The following GAREM1 variants were observed in gnomAD, a reference collection of about 807,000 sequenced individuals.
GAREM1 encodes GRB2-associated and regulator of MAPK protein 1.
GAREM1 carries 26 observed loss-of-function variants against 71.3 expected under a neutral mutation model. The observed-to-expected ratio is 0.36, with a 90% confidence interval of 0.27 to 0.51. GAREM1 has a LOEUF of 0.51. Among genes scored for constraint, GAREM1 ranks in the 20% least tolerant of loss-of-function variants. The pLI is 0.95. For synonymous variants in GAREM1, 440 were observed against 433.2 expected, an observed-to-expected ratio of 1.02 and a Z score of -0.20; for missense variants, 1,026 against 1,103.1, an observed-to-expected ratio of 0.93 and a Z score of 0.99.
chr18:32,451,951 C>T (rs2048844465), intron 1 of GAREM1, among the ~76,000 whole-genome samples: 1 of 152,124 alleles, frequency 6.6e-6, no homozygotes, highest in Non-Finnish European at 1.5e-5. Context: ...TAGTAAAATA[C>T]TGAAATCGGT....
chr18:32,310,503 A>G (rs993471770), intron 2 of GAREM1, among the ~76,000 whole-genome samples, 180 bp from the exon 3 acceptor site: 9 of 152,226 alleles, frequency 5.9e-5, no homozygotes, highest in Non-Finnish European at 1.3e-4. Flanking sequence ...GATAGATTTT[A>G]AAATCAGCTT....
chr18:32,379,058 A>C (rs1438014558), intron 2 of GAREM1, among the ~76,000 whole-genome samples: 2 of 152,058 alleles, frequency 1.3e-5, no homozygotes. Context: ...TTGAATCTCA[A>C]CTTCACCACC....
chr18:32,411,113 T>C (rs112913449), intron 1 of GAREM1, among the ~76,000 whole-genome samples: 1 of 152,330 alleles, frequency 6.6e-6, no homozygotes, highest in African/African-American at 2.4e-5. Flanking sequence ...ACTTCGGTTT[T>C]ATTTTCTTCT....
intron 2 of GAREM1, among the ~76,000 whole-genome samples, chr18:32,329,668 T>C (rs1487731271): frequency 1.5e-5 from 2 of 136,258 alleles, no homozygotes; most frequent in Admixed American, 7.9e-5. Flanking sequence ...ATTGCGCCAC[T>C]GCACTCCAGC....
chr18:32,455,618 A>C (rs995688958), intron 1 of GAREM1, among the ~76,000 whole-genome samples: 4 of 152,132 alleles, frequency 2.6e-5, no homozygotes, highest in Admixed American at 1.3e-4. Context: ...TCTAGAAGGC[A>C]TTTAACAAGC....
At chr18:32,451,775 T>C (rs2048842924) in intron 1 of GAREM1, among the ~76,000 whole-genome samples, 1 of 152,142 alleles carries the variant, frequency 6.6e-6, no homozygotes, top group South Asian at 2.1e-4. Context: ...TTTACAGCCC[T>C]TCAGCACTTC....
intron 1 of GAREM1, among the ~76,000 whole-genome samples, chr18:32,427,573 C>T (rs1200929332): frequency 6.6e-6 from 1 of 152,180 alleles, no homozygotes; most frequent in Non-Finnish European, 1.5e-5. Flanking sequence ...CTGATGGCAG[C>T]AACATGCTTA....
At chr18:32,393,180 G>GTT (rs10708225) in intron 1 of GAREM1, 145 bp from the exon 2 acceptor site, 824 of 450,040 alleles carry the variant, frequency 1.8e-3, no homozygotes, top group South Asian at 2.9e-3. Context: ...CCTCTGAATT[G>GTT]TTTTTTTTTT....
chr18:32,271,989 A>T (rs907222588), intron 4 of GAREM1, among the ~76,000 whole-genome samples: 1 of 152,206 alleles, frequency 6.6e-6, no homozygotes, highest in African/African-American at 2.4e-5. Flanking sequence ...CTATGCTTTG[A>T]AATGCATACC....
intron 2 of GAREM1, among the ~76,000 whole-genome samples, chr18:32,378,863 C>T (rs748311815): frequency 1.2e-4 from 19 of 152,196 alleles, no homozygotes; most frequent in Non-Finnish European, 2.1e-4. Flanking sequence ...TTGCTAGTCA[C>T]GAAAGGCCAT....
chr18:32,278,189 G>GA (rs977525498), intron 4 of GAREM1, among the ~76,000 whole-genome samples: 27 of 152,050 alleles, frequency 1.8e-4, no homozygotes, highest in African/African-American at 5.1e-4. Context: ...AGCCTTTTGG[G>GA]AAAAAAATCA....
intron 3 of GAREM1, among the ~76,000 whole-genome samples, chr18:32,300,652 A>G (rs1372267634): frequency 6.6e-6 from 1 of 152,182 alleles, no homozygotes; most frequent in East Asian, 1.9e-4. Context: ...CACACCTGTA[A>G]TCCCAGCACT....
intron 1 of GAREM1, among the ~76,000 whole-genome samples, chr18:32,403,079 AG>A (rs2048331826): frequency 6.6e-6 from 1 of 151,890 alleles, no homozygotes; most frequent in Non-Finnish European, 1.5e-5. Context: ...CACTACACCC[AG>A]CTAATTTTTG....
Position 32,268,746 on chromosome 18 carries a change from T to C in GAREM1, c.1756A>G (p.Asn586Asp). The change falls in exon 6 of 6, where the codon AAT becomes GAT. Residue 586 changes from asparagine to aspartate, a missense_variant. This residue lies in a region of GAREM1 where 636 missense variants were observed against 631.2 expected (regional missense o/e 1.01). Transcript: ENST00000269209. Reference sequence around the variant, plus strand: ...GAAACAGGAGTGCTTTCAGAAGGATTTGTGTCAGTTTTAGTGACGCTGCTT... The same window carrying C: ...GAAACAGGAGTGCTTTCAGAAGGATCTGTGTCAGTTTTAGTGACGCTGCTT... ...HNISVTKTDT[N>D]PSESTPVSCY... 1 of 1,613,822 alleles carries C rather than the reference T, an allele frequency of 6.2e-7. No individual in the cohort carries two copies.
At chr18:32,361,161 T>C (rs2047861338) in intron 2 of GAREM1, among the ~76,000 whole-genome samples, 1 of 152,194 alleles carries the variant, frequency 6.6e-6, no homozygotes, top group Admixed American at 6.5e-5. Flanking sequence ...GTTGCCTACA[T>C]TGCCTCACAC....
chr18:32,273,907 T>C (rs542254190), intron 4 of GAREM1, among the ~76,000 whole-genome samples: 16 of 152,314 alleles, frequency 1.1e-4, no homozygotes, highest in African/African-American at 3.6e-4. Context: ...AAACTCACTT[T>C]AGAGAAAGGT....
chr18:32,411,906 G>A (rs187616365), intron 1 of GAREM1, among the ~76,000 whole-genome samples: 1 of 150,942 alleles, frequency 6.6e-6, no homozygotes, highest in East Asian at 1.9e-4. Flanking sequence ...TCAGCGTCAC[G>A]ATCAGACTAT....
At chr18:32,370,802 A>G (rs1219878907) in intron 2 of GAREM1, among the ~76,000 whole-genome samples, 3 of 152,054 alleles carry the variant, frequency 2.0e-5, no homozygotes, top group Admixed American at 6.6e-5. Context: ...AGATGCTAAT[A>G]CTAACGTTAA....
chr18:32,323,921 A>C (rs2047452325), intron 2 of GAREM1, among the ~76,000 whole-genome samples: 1 of 152,178 alleles, frequency 6.6e-6, no homozygotes, highest in South Asian at 2.1e-4. Flanking sequence ...AGAAAATATA[A>C]AGGAAAGAGA....
Sources: gnomAD v4.1 joint callset for allele counts (sites outside exome capture counted in the v4.1 genomes callset) on GRCh38, gnomAD v4.1.1 for gene constraint, gnomAD v4.1.1 regional missense constraint, MANE v1.5 for transcripts, NCBI Gene and HGNC (gene_info 2026-07-23, HGNC 2026-07-21) for gene names.